TMEM71: variants seen among roughly 807,000 people sequenced by gnomAD.
The protein encoded by TMEM71 is transmembrane protein 71.
In TMEM71, 44 loss-of-function variants were observed where a neutral mutation model predicts 38.0. The ratio of observed to expected loss-of-function variants is 1.16; its 90% CI spans 0.91 to 1.49. TMEM71 has a LOEUF of 1.49. Among genes scored for constraint, TMEM71 ranks in the 40% most tolerant of loss-of-function variants. The probability of loss-of-function intolerance (pLI) is 0.00; values close to 1 mark genes in which losing one functional copy is unlikely to be tolerated. For synonymous variants in TMEM71, 133 were observed against 122.5 expected (o/e 1.09, Z -0.56); for missense variants, 367 against 348.6 (o/e 1.05, Z -0.42).
At chr8:132,767,146 C>A in the TMEM71 span, among the ~76,000 whole-genome samples, 3 of 152,300 alleles carry the variant, frequency 2.0e-5, no homozygotes, top group East Asian at 5.8e-4. Context: ...GGTATTAACT[C>A]AGGCAACTGT....
Position 132,752,016 on chromosome 8 carries a change from C to T in TMEM71, c.102-19G>A, listed in dbSNP as rs375256770. 29 of 1,605,930 alleles carry T rather than the reference C, an allele frequency of 1.8e-5. No homozygotes were observed. Among genetic ancestry groups the T allele is most frequent in the South Asian group, 8.8e-5 (8 of 90,908 alleles). On this transcript the variant is annotated intron_variant, in intron 3 of 9. Transcript: ENST00000677595. Reference sequence around the variant, plus strand: ...GGTGAAACTAAGAAGGAAAAGATAACGCACTTTAAATCTCTATTCAGTACA... The same window carrying T: ...GGTGAAACTAAGAAGGAAAAGATAATGCACTTTAAATCTCTATTCAGTACA...
chr8:132,753,861 C>T (rs1054638561), intron 3 of TMEM71, among the ~76,000 whole-genome samples: 1 of 152,030 alleles, frequency 6.6e-6, no homozygotes, highest in Admixed American at 6.6e-5. Context: ...ATGTTCACTT[C>T]CTCCCTTCTT....
At chr8:132,720,622 G>C (rs1169248993) in intron 7 of TMEM71, among the ~76,000 whole-genome samples, 1 of 151,972 alleles carries the variant, frequency 6.6e-6, no homozygotes, top group African/African-American at 2.4e-5. Flanking sequence ...TAATTATCTG[G>C]GAAGCTTATT....
intron 5 of TMEM71, among the ~76,000 whole-genome samples, chr8:132,731,839 G>A (rs1041347010): frequency 6.6e-6 from 1 of 152,208 alleles, no homozygotes; most frequent in African/African-American, 2.4e-5. Flanking sequence ...AACTTTCTCT[G>A]CCTTGATTGC....
intron 5 of TMEM71, among the ~76,000 whole-genome samples, chr8:132,738,560 T>C (rs1371885455): frequency 6.6e-6 from 1 of 152,130 alleles, no homozygotes; most frequent in Non-Finnish European, 1.5e-5. Context: ...AACTTGAAAA[T>C]TCCAAATCTG....
intron 5 of TMEM71, among the ~76,000 whole-genome samples, chr8:132,728,399 A>T (rs1563747111): frequency 6.6e-6 from 1 of 152,212 alleles, no homozygotes; most frequent in Non-Finnish European, 1.5e-5. Context: ...CATGAGACTT[A>T]TTCACTATCA....
chr8:132,743,410 T>G (rs1338059752), intron 5 of TMEM71, among the ~76,000 whole-genome samples: 1 of 152,186 alleles, frequency 6.6e-6, no homozygotes, highest in African/African-American at 2.4e-5. Context: ...GTCCTCATCC[T>G]ATTTACCTTT....
intron 7 of TMEM71, among the ~76,000 whole-genome samples, chr8:132,721,352 G>T (rs578084671): frequency 7.6e-4 from 115 of 152,224 alleles, no homozygotes; most frequent in South Asian, 1.9e-3. Flanking sequence ...CAATGGGAAG[G>T]GTGGAGTCTC....
At chr8:132,720,889 C>T (rs138263766) in intron 7 of TMEM71, among the ~76,000 whole-genome samples, 13 of 152,292 alleles carry the variant, frequency 8.5e-5, no homozygotes, top group East Asian at 3.9e-4. Context: ...GTGAGGGAGA[C>T]GCACAATGTG....
At chr8:132,751,703 T>C (rs1828718257) in intron 4 of TMEM71, 82 bp downstream of exon 4, 20 of 1,341,436 alleles carry the variant, frequency 1.5e-5, no homozygotes, top group East Asian at 2.3e-5. Context: ...TTATAAAAGA[T>C]AGTTGAGTGA....
rs181476168 is a variant in TMEM71, at chr8:132,730,595, C to T, written c.488-2609G>A. ...GAGGCATGATGTTTGGAGAAATTGT[C>T]CTAATTTATTTTACCTTGGGGAAAC... On this transcript the variant is annotated intron_variant, in intron 5 of 9. Coordinates refer to ENST00000677595, the MANE Select transcript of TMEM71 (RefSeq NM_001382403.1). Among the ~76,000 whole-genome samples the T allele has an allele frequency of 9.2e-5, 14 of 152,198 alleles. No individual in the cohort carries two copies. The East Asian group carries it at 2.5e-3, about 27-fold the overall frequency.
chr8:132,712,172 T>A (rs1213632531), intron 9 of TMEM71, among the ~76,000 whole-genome samples: 1 of 152,056 alleles, frequency 6.6e-6, no homozygotes, highest in African/African-American at 2.4e-5. Context: ...TTTTCACAGG[T>A]CTTAAATGCA....
the TMEM71 span, among the ~76,000 whole-genome samples, chr8:132,768,570 TA>T: frequency 1.0e-4 from 15 of 149,848 alleles, no homozygotes; most frequent in South Asian, 4.2e-4. Flanking sequence ...AACATAGTTA[TA>T]AAAAAAAAAT....
chr8:132,736,528 C>T (rs1408718598), intron 5 of TMEM71, among the ~76,000 whole-genome samples: 1 of 152,060 alleles, frequency 6.6e-6, no homozygotes, highest in East Asian at 1.9e-4. Flanking sequence ...GTGTTGTATT[C>T]TTGAAAATTG....
In TMEM71 at chr8:132,758,805, A is replaced by G. The variant is rs1485747778; in HGVS notation, c.40+35T>C. The G allele has an allele frequency of 2.5e-6, 4 of 1,596,548 alleles. No individual in the cohort carries two copies. The African/African-American group carries it at 5.4e-5, about 21-fold the overall frequency. On this transcript the variant is annotated intron_variant, in intron 2 of 9. Transcript: ENST00000677595. ...TGCTAAAAGGAGTCTAATCGTTCAA[A>G]AGATAATTGCGTATCACAGTTCTTC...
chr8:132,733,250 C>A (rs1300572384), intron 5 of TMEM71, among the ~76,000 whole-genome samples: 1 of 152,114 alleles, frequency 6.6e-6, no homozygotes, highest in Non-Finnish European at 1.5e-5. Context: ...TCCCAGACAC[C>A]AGCAATTAGT....
chr8:132,756,620 T>G (rs1252493244), intron 3 of TMEM71, among the ~76,000 whole-genome samples: 2 of 151,344 alleles, frequency 1.3e-5, no homozygotes, highest in Non-Finnish European at 2.9e-5. Flanking sequence ...TGAGACTCGC[T>G]CTGTTGCCCA....
intron 6 of TMEM71, among the ~76,000 whole-genome samples, chr8:132,725,268 G>A (rs1827079652): frequency 6.6e-6 from 1 of 152,078 alleles, no homozygotes; most frequent in African/African-American, 2.4e-5. Flanking sequence ...GGGCTCAAAC[G>A]ATCCTGTCAC....
chr8:132,765,095 A>G (rs557132765), upstream of TMEM71, among the ~76,000 whole-genome samples: 12 of 152,348 alleles, frequency 7.9e-5, no homozygotes, highest in African/African-American at 2.9e-4. Flanking sequence ...TTAGTGGCAT[A>G]CAGCAGTAAG....
Sources: allele counts gnomAD v4.1 joint callset (sites outside exome capture counted in the v4.1 genomes callset), GRCh38; gene constraint gnomAD v4.1.1; transcripts MANE v1.5; gene names NCBI Gene and HGNC (gene_info 2026-07-23, HGNC 2026-07-21).